The following CHUK variants were observed in gnomAD, a reference collection of about 807,000 sequenced individuals.
CHUK encodes the protein component of inhibitor of nuclear factor kappa B kinase complex.
Under a neutral mutation model 104.8 loss-of-function variants are expected in CHUK, and 35 were observed. The ratio of observed to expected loss-of-function variants is 0.33; its 90% CI spans 0.26 to 0.44. CHUK has a LOEUF of 0.44. CHUK is among the 20% of genes least tolerant of loss of function. The pLI, the probability that CHUK is intolerant of heterozygous loss-of-function variation, is 1.00. For missense variants in CHUK, 663 were observed against 902.7 expected (o/e 0.73, Z 3.40); for synonymous variants, 276 against 291.9 (o/e 0.95, Z 0.56).
chr10:100,192,247 G>A (rs1315314685), intron 19 of CHUK, among the ~76,000 whole-genome samples: 2 of 152,072 alleles, frequency 1.3e-5, no homozygotes, highest in African/African-American at 2.4e-5. Context: ...ATTAACATCC[G>A]CTAAAAAACT....
chr10:100,192,966 A>G, intron 19 of CHUK: 1 of 316,610 alleles, frequency 3.2e-6, no homozygotes, highest in South Asian at 3.4e-5. Context: ...GTAATAAGCC[A>G]ATAAAAGAAA....
chr10:100,195,427 T>G (rs543070685), intron 16 of CHUK: 1 of 152,336 alleles, frequency 6.6e-6, no homozygotes, highest in Non-Finnish European at 1.5e-5. Context: ...TCCTTTGTTA[T>G]CTATCACTCC....
chr10:100,209,645 T>C lies in CHUK; in HGVS notation c.1078A>G (p.Ile360Val). Reference protein sequence around the residue: ...GSQELLSETGISLDPRKPASQ... With the variant: ...GSQELLSETGVSLDPRKPASQ... ...GCTGGTTTCCGAGGATCCAGAGAAA[T>C]TCCTGTCTCTGAAAGAAGTTCTTGA... The change falls in exon 10 of 21, where the codon ATT becomes GTT. Residue 360 changes from isoleucine to valine, a missense_variant. Ile to Val is a conservative substitution (Grantham distance 29). Coordinates refer to ENST00000370397, the MANE Select transcript of CHUK (RefSeq NM_001278.5). 16 of 1,611,138 alleles carry C rather than the reference T, an allele frequency of 9.9e-6. No individual in the cohort carries two copies. Among genetic ancestry groups the C allele is most frequent in the Non-Finnish European group, 1.4e-5 (16 of 1,177,308 alleles).
Position 100,218,088 on chromosome 10 carries a change from C to T in CHUK, c.840G>A (p.Leu280=). ...CTCCTCTCTGCTGAGGGTCCCAATT[C>T]AACATCAACTGTAGCCAGTTTTCCA... is the stretch of plus-strand genomic sequence containing the variant. ...EPMENWLQLM[L]NWDPQQRGGP... The change falls in exon 9 of 21, where the codon TTG becomes TTA. Residue 280 remains leucine (L), a synonymous_variant. Transcript: ENST00000370397. 1 of 1,613,096 alleles carries T rather than the reference C, an allele frequency of 6.2e-7. No homozygotes were observed. The highest frequency in any genetic ancestry group is 8.5e-7 in the Non-Finnish European group (1 of 1,179,094).
chr10:100,208,347 C>A (rs1845638935), intron 10 of CHUK, among the ~76,000 whole-genome samples: 1 of 152,194 alleles, frequency 6.6e-6, no homozygotes, highest in South Asian at 2.1e-4. Flanking sequence ...ACTCAGCAAT[C>A]CACCCACCTT....
chr10:100,225,884 T>A, intron 2 of CHUK, 39 bp downstream of exon 2: 2 of 1,160,504 alleles, frequency 1.7e-6, no homozygotes, highest in East Asian at 2.3e-5. Context: ...CTGGTTGGGC[T>A]GTAGAACCAG....
chr10:100,226,802 A>C (rs112554788), intron 1 of CHUK, among the ~76,000 whole-genome samples: 3 of 152,368 alleles, frequency 2.0e-5, no homozygotes, highest in African/African-American at 7.2e-5. Flanking sequence ...AAGGCTGTGT[A>C]TGAATACAGA....
At chr10:100,220,203 T>C (rs1202378512) in intron 5 of CHUK, among the ~76,000 whole-genome samples, 3 of 152,140 alleles carry the variant, frequency 2.0e-5, no homozygotes, top group Non-Finnish European at 4.4e-5. Context: ...AGGATGTGCA[T>C]GTATGTGTTT....
Position 100,219,357 on chromosome 10 carries a change from T to G in CHUK, c.477A>C (p.Ile159=), listed in dbSNP as rs1300636914. The G allele has an allele frequency of 6.8e-7, 1 of 1,469,552 alleles. No individual in the cohort carries two copies. The highest frequency in any genetic ancestry group is 1.1e-5 in the South Asian group (1 of 88,170). 91.0% of individuals were successfully genotyped at this position (1,469,552 alleles called of 1,614,324 possible). Residue 159 remains isoleucine (I), a splice_region_variant and synonymous_variant, in exon 6 of 21, where the codon ATA becomes ATC. Transcript: ENST00000370397. ...ATCCCAGATCAATTATTTTATGTAT[T>G]ATCTGCAAAATAATAAGACAGATTA... The part of the protein sequence containing the change: ...NIVLQDVGGK[I]IHKIIDLGYA...
intron 9 of CHUK, among the ~76,000 whole-genome samples, chr10:100,211,828 A>C (rs993675740): frequency 2.0e-5 from 3 of 152,168 alleles, no homozygotes; most frequent in Non-Finnish European, 4.4e-5. Flanking sequence ...GCCTGCTTTA[A>C]AATCCTTTGG....
chr10:100,222,218 A>T lies in CHUK; in HGVS notation c.316-37T>A, dbSNP rs765820345. The T allele has an allele frequency of 1.0e-5, 12 of 1,192,628 alleles. No individual in the cohort carries two copies. In the East Asian group the frequency reaches 2.8e-4, roughly 28 times the overall value. 73.9% of individuals were successfully genotyped at this position (1,192,628 alleles called of 1,614,324 possible). On this transcript the variant is annotated intron_variant, in intron 3 of 20. Transcript: ENST00000370397. Reference sequence around the variant, plus strand: ...AAGAAATCTAAAAATCTGTTCTGCAAATTGCTGGGCTGCAATAGTGACCAC... The same window carrying T: ...AAGAAATCTAAAAATCTGTTCTGCATATTGCTGGGCTGCAATAGTGACCAC...
intron 17 of CHUK, 25 bp from the exon 18 acceptor site, chr10:100,194,156 A>C (rs1382768477): frequency 6.2e-7 from 1 of 1,612,032 alleles, no homozygotes; most frequent in Non-Finnish European, 8.5e-7. Flanking sequence ...TCAGTGTCAG[A>C]CACTTTCACA....
At chr10:100,192,996 A>C in intron 19 of CHUK, 1 of 384,446 alleles carries the variant, frequency 2.6e-6, no homozygotes, top group Non-Finnish European at 4.8e-6. Flanking sequence ...ACTTGGACTT[A>C]GCTAATAATA....
chr10:100,216,239 A>C (rs1331812705), intron 9 of CHUK, among the ~76,000 whole-genome samples: 2 of 152,326 alleles, frequency 1.3e-5, no homozygotes, highest in South Asian at 4.1e-4. Context: ...TGGTTCATTC[A>C]CAGCTGAAAT....
At chr10:100,218,909 AT>A (rs1845922746) in intron 7 of CHUK, 84 bp from the exon 8 acceptor site, 8 of 1,530,614 alleles carry the variant, frequency 5.2e-6, no homozygotes, top group Middle Eastern at 1.7e-4. Context: ...TTAATTGTAT[AT>A]TTCAAAGGCA....
At chr10:100,223,640 CA>C (rs1406738535) in intron 2 of CHUK, among the ~76,000 whole-genome samples, 1 of 151,718 alleles carries the variant, frequency 6.6e-6, no homozygotes, top group East Asian at 1.9e-4. Context: ...GAAAAAGAAG[CA>C]AACAGAATTT....
intron 8 of CHUK, 44 bp from the exon 9 acceptor site, chr10:100,218,174 C>G: frequency 6.5e-7 from 1 of 1,548,524 alleles, no homozygotes; most frequent in Non-Finnish European, 8.9e-7. Flanking sequence ...TCATTATGTT[C>G]CAATTTCCCT....
At chr10:100,197,877 A>C (rs1375443641) in intron 16 of CHUK, among the ~76,000 whole-genome samples, 1 of 151,768 alleles carries the variant, frequency 6.6e-6, no homozygotes. Flanking sequence ...AAACCAAAAA[A>C]CGATATTTTC....
chr10:100,207,322 T>C lies in CHUK; in HGVS notation c.1139A>G (p.Asp380Gly), dbSNP rs200093730. ...ATCAAACAAATAAACCATATAGCTA[T>C]CACAGCCTCTCTGAAAAAGAAACAA... The part of the protein sequence containing the change: ...QCVLDGVRGC[D>G]SYMVYLFDKS... The change falls in exon 11 of 21, where the codon GAT becomes GGT. Residue 380 changes from aspartate to glycine, a missense_variant. By Grantham distance (94) the Asp-to-Gly change is moderately conservative (BLOSUM62 -1). Coordinates refer to ENST00000370397, the MANE Select transcript of CHUK (RefSeq NM_001278.5). 1 of 1,454,322 alleles carries C rather than the reference T, an allele frequency of 6.9e-7. No individual in the cohort carries two copies. Among genetic ancestry groups the C allele is most frequent in the Non-Finnish European group, 9.7e-7 (1 of 1,035,752 alleles). The allele number at this position is 1,454,322 out of a possible 1,614,324, so 90.1% of individuals were successfully genotyped here.
Sources: allele counts gnomAD v4.1 joint callset (sites outside exome capture counted in the v4.1 genomes callset), GRCh38; gene constraint gnomAD v4.1.1; transcripts MANE v1.5; gene names NCBI Gene and HGNC (gene_info 2026-07-23, HGNC 2026-07-21).